CDH8: variants seen among roughly 807,000 people sequenced by gnomAD.
CDH8 encodes the protein cadherin 8, also known as cadherin-8.
Under a neutral mutation model 68.1 loss-of-function variants are expected in CDH8, and 17 were observed. The observed-to-expected ratio is 0.25, with a 90% CI of 0.17 to 0.37. The LOEUF is 0.37. CDH8 is among the 10% of genes least tolerant of loss of function. The pLI is 1.00. For synonymous variants in CDH8, 372 were observed against 365.1 expected, an observed-to-expected ratio of 1.02 and a Z score of -0.21; for missense variants, 763 against 999.3, an observed-to-expected ratio of 0.76 and a Z score of 3.19.
chr16:61,850,548 A>G (rs1238819779), intron 4 of CDH8, among the ~76,000 whole-genome samples: 1 of 152,126 alleles, frequency 6.6e-6, no homozygotes, highest in Non-Finnish European at 1.5e-5. Context: ...TAAATTGCAG[A>G]TTACGTTTAT....
intron 8 of CDH8, among the ~76,000 whole-genome samples, chr16:61,742,976 T>C (rs1034683835): frequency 6.6e-6 from 1 of 152,230 alleles, no homozygotes; most frequent in Non-Finnish European, 1.5e-5. Flanking sequence ...TTCTTATTTA[T>C]GCCATTTTGC....
At chr16:61,713,791 C>A (rs1964672483) in intron 10 of CDH8, 50 bp downstream of exon 10, 1 of 976,148 alleles carries the variant, frequency 1.0e-6, no homozygotes, top group African/African-American at 1.6e-5. Flanking sequence ...AAATTGCATC[C>A]TATTTTCCAA....
intron 2 of CDH8, among the ~76,000 whole-genome samples, chr16:61,927,640 T>C (rs1028046908): frequency 1.3e-5 from 2 of 152,154 alleles, no homozygotes; most frequent in African/African-American, 4.8e-5. Flanking sequence ...ATTCAAATCA[T>C]GAGTAATGTT....
chr16:61,727,906 C>A (rs2142894993), intron 8 of CDH8, among the ~76,000 whole-genome samples: 2 of 151,090 alleles, frequency 1.3e-5, no homozygotes, highest in South Asian at 4.2e-4. Context: ...TCCTCAATCC[C>A]TGAATCCTTA....
At chr16:61,717,030 C>T (rs1010768446) in intron 9 of CDH8, among the ~76,000 whole-genome samples, 1 of 151,574 alleles carries the variant, frequency 6.6e-6, no homozygotes, top group African/African-American at 2.4e-5. Flanking sequence ...ACGTAGGGTC[C>T]ACTGTGAGCT....
intron 2 of CDH8, among the ~76,000 whole-genome samples, chr16:62,011,744 C>G (rs770817491): frequency 4.6e-5 from 7 of 152,138 alleles, no homozygotes; most frequent in Non-Finnish European, 1.0e-4. Context: ...CTAACTAGCT[C>G]CCATGTGTTG....
At chr16:61,832,379 G>GATAGATAC (rs1442092983) in intron 4 of CDH8, among the ~76,000 whole-genome samples, 8 of 145,214 alleles carry the variant, frequency 5.5e-5, no homozygotes, top group East Asian at 4.0e-4. Context: ...TAGATAGATA[G>GATAGATAC]ATACATAGAG....
At chr16:61,936,315 G>C (rs572861193) in intron 2 of CDH8, among the ~76,000 whole-genome samples, 3 of 152,018 alleles carry the variant, frequency 2.0e-5, no homozygotes, top group African/African-American at 7.2e-5. Flanking sequence ...GGGGCATTCA[G>C]GTAAACAATT....
At chr16:61,715,664 A>G (rs1046329785) in intron 9 of CDH8, among the ~76,000 whole-genome samples, 2 of 151,646 alleles carry the variant, frequency 1.3e-5, no homozygotes, top group Non-Finnish European at 3.0e-5. Flanking sequence ...ACATGATCAG[A>G]CTAAAGGAGA....
chr16:61,852,819 G>A (rs1032634163), intron 4 of CDH8, among the ~76,000 whole-genome samples: 2 of 149,840 alleles, frequency 1.3e-5, no homozygotes, highest in African/African-American at 2.5e-5. Flanking sequence ...CATCCCTCCC[G>A]GCCTTCCCTT....
At position 61,870,412 on chromosome 16, in the gene CDH8, A is replaced by G. The variant is rs998158503; in HGVS notation, c.548-13174T>C. Among the ~76,000 whole-genome samples the G allele has an allele frequency of 2.0e-5, 3 of 152,198 alleles. No homozygotes were observed. In the South Asian group the frequency reaches 6.2e-4, roughly 31 times the overall value. ...ATTGGGAAATGTCTAAAAACAGTGG[A>G]ATCTGAGCTGTTCTTGTATTTAGAT... On this transcript the variant is annotated intron_variant, in intron 3 of 11. Transcript: ENST00000577390.
chr16:61,789,569 C>T (rs1961329639), intron 7 of CDH8, 87 bp from the exon 8 acceptor site: 1 of 1,237,426 alleles, frequency 8.1e-7, no homozygotes, highest in South Asian at 1.9e-5. Context: ...CTTGGAGAGC[C>T]ATATTTGTGA....
chr16:61,899,408 T>C (rs1191327108), intron 3 of CDH8, among the ~76,000 whole-genome samples: 2 of 152,016 alleles, frequency 1.3e-5, no homozygotes, highest in Admixed American at 6.5e-5. Context: ...GCAAGGCATA[T>C]GATTTTACGG....
At chr16:61,690,045 G>T (rs1003352325) in intron 10 of CDH8, among the ~76,000 whole-genome samples, 4 of 152,016 alleles carry the variant, frequency 2.6e-5, no homozygotes, top group African/African-American at 9.7e-5. Context: ...CATAAAAGTT[G>T]ACATACTTCA....
intron 10 of CDH8, among the ~76,000 whole-genome samples, chr16:61,689,052 C>G (rs2142825605): frequency 6.6e-6 from 1 of 151,932 alleles, no homozygotes; most frequent in East Asian, 1.9e-4. Flanking sequence ...AGTATAGAAC[C>G]CAAAAGATTA....
At chr16:62,016,276 T>A (rs1015640918) in intron 2 of CDH8, among the ~76,000 whole-genome samples, 1 of 152,200 alleles carries the variant, frequency 6.6e-6, no homozygotes, top group Non-Finnish European at 1.5e-5. Context: ...TCTGTCTCCC[T>A]CTAGGAGCTC....
At chr16:61,765,659 T>TTG (rs1960572201) in intron 8 of CDH8, among the ~76,000 whole-genome samples, 2 of 152,182 alleles carry the variant, frequency 1.3e-5, no homozygotes, top group African/African-American at 4.8e-5. Context: ...AACTTTATTG[T>TTG]TTTAAAATAT....
intron 2 of CDH8, among the ~76,000 whole-genome samples, chr16:61,910,721 C>A (rs1490342647): frequency 6.6e-6 from 1 of 152,032 alleles, no homozygotes; most frequent in East Asian, 1.9e-4. Context: ...ATAGGGTGGA[C>A]TCTTATGGGG....
intron 8 of CDH8, among the ~76,000 whole-genome samples, chr16:61,748,946 A>G (rs538774879): frequency 6.6e-6 from 1 of 152,172 alleles, no homozygotes; most frequent in East Asian, 1.9e-4. Context: ...CTGATGTTTG[A>G]GGAGGGTATA....
Sources: allele counts gnomAD v4.1 joint callset (sites outside exome capture counted in the v4.1 genomes callset), GRCh38; gene constraint gnomAD v4.1.1; transcripts MANE v1.5; gene names NCBI Gene and HGNC (gene_info 2026-07-23, HGNC 2026-07-21).